Variants in CPEB1 observed in about 807,000 individuals in gnomAD.
CPEB1 encodes cytoplasmic polyadenylation element-binding protein 1.
Under a neutral mutation model 65.8 loss-of-function variants are expected in CPEB1, and 7 were observed. The ratio of observed to expected loss-of-function variants is 0.11; its 90% CI spans 0.06 to 0.20. The LOEUF (loss-of-function observed/expected upper bound fraction) is 0.20, where lower values mean the gene tolerates loss of function less well. CPEB1 is among the 10% of genes least tolerant of loss of function. The pLI, the probability that CPEB1 is intolerant of heterozygous loss-of-function variation, is 1.00. For synonymous variants in CPEB1, 262 were observed against 260.0 expected, an observed-to-expected ratio of 1.01 and a Z score of -0.08; for missense variants, 551 against 712.2, an observed-to-expected ratio of 0.77 and a Z score of 2.58.
chr15:82,597,363 T>G (rs913004471), intron 3 of CPEB1, among the ~76,000 whole-genome samples: 3 of 152,168 alleles, frequency 2.0e-5, no homozygotes, highest in Non-Finnish European at 2.9e-5. Flanking sequence ...ACCGGCCCAG[T>G]TGGATTTACA....
chr15:82,647,527 C>A (rs1215661995), upstream of CPEB1: 2 of 270,300 alleles, frequency 7.4e-6, no homozygotes, highest in Non-Finnish European at 1.4e-5. Context: ...GCCGGTGCTC[C>A]TTTATGTCCG....
intron 5 of CPEB1, chr15:82,556,397 A>C: frequency 6.4e-5 from 20 of 311,948 alleles, no homozygotes; most frequent in Middle Eastern, 9.3e-4. Flanking sequence ...GGTACATCTC[A>C]CTGACCCATA....
At chr15:82,620,430 G>A (rs10162807) in intron 3 of CPEB1, among the ~76,000 whole-genome samples, 99,891 of 145,800 alleles carry the variant, frequency 0.69, 34,679 homozygotes, top group African/African-American at 0.87. Flanking sequence ...GTCTCAAAAA[G>A]AAAAAAAAAG....
At chr15:82,573,232 A>T in intron 3 of CPEB1, 1 of 1,346,186 alleles carries the variant, frequency 7.4e-7, no homozygotes, top group Non-Finnish European at 9.8e-7. Context: ...CTTCCTTTGG[A>T]GATTTTTTTT....
At chr15:82,580,341 G>C (rs2041154849) in intron 3 of CPEB1, among the ~76,000 whole-genome samples, 1 of 150,248 alleles carries the variant, frequency 6.7e-6, no homozygotes, top group South Asian at 2.1e-4. Context: ...AAAAGAAGAA[G>C]AAGAAAAAAG....
intron 3 of CPEB1, among the ~76,000 whole-genome samples, chr15:82,617,827 G>A (rs1037945836): frequency 2.0e-4 from 28 of 137,058 alleles, no homozygotes; most frequent in Admixed American, 5.7e-4. Flanking sequence ...TCCGCCTCTC[G>A]GGTTCACGCC....
chr15:82,550,157 C>T lies in CPEB1; in HGVS notation c.1282-499G>A, dbSNP rs554542491. On this transcript the variant is annotated intron_variant, in intron 9 of 12. Coordinates refer to ENST00000684509, the MANE Select transcript of CPEB1 (RefSeq NM_001365242.1). ...CAACCTAGCCTTCAGAGGGTTTGTG[C>T]CAGAGCAGTGGAAATGACTGGCGAG... 5.3e-5 allele frequency among the ~76,000 whole-genome samples: 8 copies of T among 152,174 alleles called. No homozygotes were observed. The East Asian group carries it at 1.5e-3, about 29-fold the overall frequency.
At chr15:82,567,787 T>G (rs952775959) in intron 4 of CPEB1, among the ~76,000 whole-genome samples, 1 of 152,160 alleles carries the variant, frequency 6.6e-6, no homozygotes, top group African/African-American at 2.4e-5. Flanking sequence ...AAGGCATCAT[T>G]AAGAGAGTCC....
At chr15:82,620,689 T>A (rs1163106245) in intron 3 of CPEB1, among the ~76,000 whole-genome samples, 1 of 151,992 alleles carries the variant, frequency 6.6e-6, no homozygotes, top group African/African-American at 2.4e-5. Flanking sequence ...TGCAGTCCCA[T>A]CTACTCAGAA....
chr15:82,563,113 A>G (rs889669352), intron 4 of CPEB1, among the ~76,000 whole-genome samples: 2 of 152,232 alleles, frequency 1.3e-5, no homozygotes, highest in Non-Finnish European at 2.9e-5. Context: ...CAAGCTGATC[A>G]CTGTGAAAAA....
At chr15:82,592,299 G>GT (rs1163373520) in intron 3 of CPEB1, among the ~76,000 whole-genome samples, 1 of 152,100 alleles carries the variant, frequency 6.6e-6, no homozygotes, top group Admixed American at 6.5e-5. Flanking sequence ...CATGGAAGTT[G>GT]TTTTTAGGCC....
intron 3 of CPEB1, among the ~76,000 whole-genome samples, chr15:82,583,111 C>T (rs1264895844): frequency 1.3e-5 from 2 of 152,088 alleles, no homozygotes; most frequent in East Asian, 3.8e-4. Flanking sequence ...TCGGGTGTTT[C>T]TAAGATTTCG....
At chr15:82,575,212 T>C (rs1381382365) in intron 3 of CPEB1, among the ~76,000 whole-genome samples, 2 of 152,220 alleles carry the variant, frequency 1.3e-5, no homozygotes, top group East Asian at 3.8e-4. Context: ...TATACCAGAC[T>C]TAAAGCAATT....
intron 3 of CPEB1, among the ~76,000 whole-genome samples, chr15:82,605,104 G>A (rs933678373): frequency 6.6e-6 from 1 of 152,186 alleles, no homozygotes; most frequent in Non-Finnish European, 1.5e-5. Context: ...TACTGAGGGA[G>A]TTAAAAGAAG....
At chr15:82,563,738 C>T (rs1044019155) in intron 4 of CPEB1, among the ~76,000 whole-genome samples, 3 of 151,800 alleles carry the variant, frequency 2.0e-5, no homozygotes, top group African/African-American at 4.8e-5. Context: ...AAAATGAACA[C>T]GAACAATAGG....
intron 3 of CPEB1, among the ~76,000 whole-genome samples, chr15:82,621,469 A>T (rs555380906): frequency 6.6e-6 from 1 of 152,044 alleles, no homozygotes; most frequent in African/African-American, 2.4e-5. Context: ...TAAAAATACA[A>T]AATTAGCCAG....
At chr15:82,630,597 C>A (rs2046157656) in intron 1 of CPEB1, among the ~76,000 whole-genome samples, 1 of 151,826 alleles carries the variant, frequency 6.6e-6, no homozygotes, top group Non-Finnish European at 1.5e-5. Context: ...CAGAGCAAGA[C>A]CCTGTCTCAA....
chr15:82,648,185 G>A, upstream of CPEB1: 1 of 315,632 alleles, frequency 3.2e-6, no homozygotes, highest in Non-Finnish European at 5.8e-6. Context: ...CTGCCCCCTG[G>A]GGGGCCAGAG....
At chr15:82,561,051 G>T (rs554140465) in intron 4 of CPEB1, among the ~76,000 whole-genome samples, 1 of 152,354 alleles carries the variant, frequency 6.6e-6, no homozygotes, top group South Asian at 2.1e-4. Context: ...GAAAACCAGT[G>T]ATTTCAATAG....
Sources: allele counts gnomAD v4.1 joint callset (sites outside exome capture counted in the v4.1 genomes callset), GRCh38; gene constraint gnomAD v4.1.1; transcripts MANE v1.5; gene names NCBI Gene and HGNC (gene_info 2026-07-23, HGNC 2026-07-21).